DNMT1: variants seen among roughly 807,000 people sequenced by gnomAD.
DNMT1 encodes the protein DNA methyltransferase 1, also known as DNA (cytosine-5)-methyltransferase 1.
Under a neutral mutation model 205.3 loss-of-function variants are expected in DNMT1, and 24 were observed. The ratio of observed to expected loss-of-function variants is 0.12; its 90% CI spans 0.08 to 0.16. The LOEUF (loss-of-function observed/expected upper bound fraction) is 0.16, where lower values mean the gene tolerates loss of function less well. Ranked by LOEUF, DNMT1 falls within the 10% of genes least tolerant of loss-of-function variation. The pLI is 1.00. For missense variants in DNMT1, 1,293 were observed against 2,177.7 expected, an observed-to-expected ratio of 0.59 and a Z score of 8.09; for synonymous variants, 817 against 839.8, an observed-to-expected ratio of 0.97 and a Z score of 0.47.
intron 7 of DNMT1, among the ~76,000 whole-genome samples, chr19:10,174,692 G>A (rs2145363162): frequency 6.6e-6 from 1 of 151,438 alleles, no homozygotes; most frequent in South Asian, 2.1e-4. Flanking sequence ...GAGTGAAAGA[G>A]TGAGACTCCA....
intron 33 of DNMT1, 73 bp downstream of exon 33, chr19:10,139,973 G>A (rs1355134707): frequency 2.3e-5 from 36 of 1,599,980 alleles, no homozygotes; most frequent in East Asian, 2.2e-5. Flanking sequence ...AGTGCAGGGC[G>A]AAAATGACCA....
At chr19:10,193,288 G>C (rs1044212012) in intron 1 of DNMT1, among the ~76,000 whole-genome samples, 4 of 152,144 alleles carry the variant, frequency 2.6e-5, no homozygotes, top group African/African-American at 9.7e-5. Flanking sequence ...AGGAGTTCAA[G>C]GCTACAGTGA....
chr19:10,146,180 T>C lies in DNMT1; in HGVS notation c.2894+171A>G, dbSNP rs2038196116. Among the ~76,000 whole-genome samples, 1 of 152,100 alleles carries C rather than the reference T, an allele frequency of 6.6e-6. No homozygotes were observed. Among genetic ancestry groups the C allele is most frequent in the South Asian group, 2.1e-4 (1 of 4,830 alleles). On this transcript the variant is annotated intron_variant, in intron 28 of 40. Transcript: ENST00000359526. The surrounding 1 kb of genome is among the most constrained non-coding windows in gnomAD (Gnocchi z 4.4). Reference sequence around the variant, plus strand: ...TCAGCTTTGCTCTGCAATAGCATCATGGTCAGTCTACACGATTTATGTTGT... The same window carrying C: ...TCAGCTTTGCTCTGCAATAGCATCACGGTCAGTCTACACGATTTATGTTGT...
chr19:10,167,807 G>A (rs1387959686), intron 10 of DNMT1, among the ~76,000 whole-genome samples: 3 of 152,168 alleles, frequency 2.0e-5, no homozygotes, highest in African/African-American at 7.2e-5. Context: ...ACACAGCTGT[G>A]TGACCAACCC....
rs1442437059 is a variant in DNMT1 at position 10,159,501 on chromosome 19, G to A, written c.1280+157C>T. Reference sequence around the variant, plus strand: ...TAGGATTACAGGCATGAGCCACCGCGCCCAGCCCTCCACGGTGGCTCTTAT... The same window carrying A: ...TAGGATTACAGGCATGAGCCACCGCACCCAGCCCTCCACGGTGGCTCTTAT... On this transcript the variant is annotated intron_variant, in intron 17 of 40. Coordinates refer to ENST00000359526, the MANE Select transcript of DNMT1 (RefSeq NM_001130823.3). The surrounding 1 kb of genome is among the most constrained non-coding windows in gnomAD (Gnocchi z 5.0). 6.6e-6 allele frequency among the ~76,000 whole-genome samples: 1 copy of A among 152,142 alleles called. No individual in the cohort carries two copies. Among genetic ancestry groups the A allele is most frequent in the Non-Finnish European group, 1.5e-5 (1 of 68,016 alleles).
In DNMT1 at chr19:10,140,091, C is replaced by T. The variant is rs780156714; in HGVS notation, c.3761G>A (p.Arg1254His). Reference protein sequence around the residue: ...GFSGMNRFNSRTYSKFKNSLV... With the variant: ...GFSGMNRFNSHTYSKFKNSLV... ...AGAGTTTTTGAACTTGGAGTAGGTG[C>T]GCGAATTGAAGCGGTTCATGCCGCT... The change falls in exon 33 of 41, where the codon CGC becomes CAC. Residue 1254 changes from arginine to histidine, a missense_variant. By Grantham distance (29) the Arg-to-His change is conservative. Transcript: ENST00000359526. The surrounding 1 kb of genome is among the most constrained non-coding windows in gnomAD (Gnocchi z 8.4). 6.2e-7 allele frequency: 1 copy of T among 1,613,414 alleles called. No individual in the cohort carries two copies. Among genetic ancestry groups the T allele is most frequent in the African/African-American group, 1.3e-5 (1 of 74,960 alleles).
intron 9 of DNMT1, among the ~76,000 whole-genome samples, chr19:10,170,879 A>G (rs2038802816): frequency 6.6e-6 from 1 of 152,056 alleles, no homozygotes; most frequent in Non-Finnish European, 1.5e-5. Context: ...CTGTATCCTC[A>G]GCCTCCTGAG....
intron 1 of DNMT1, among the ~76,000 whole-genome samples, chr19:10,183,264 C>T (rs2039116237): frequency 6.6e-6 from 1 of 151,472 alleles, no homozygotes; most frequent in South Asian, 2.1e-4. Flanking sequence ...TACAGGCATG[C>T]ACCACCACAC....
Position 10,147,263 on chromosome 19 carries a change from G to GATAA in DNMT1, c.2721-743_2721-740dup, listed in dbSNP as rs36026709. On this transcript the variant is annotated intron_variant, in intron 27 of 40. Coordinates refer to ENST00000359526, the MANE Select transcript of DNMT1 (RefSeq NM_001130823.3). ...GGTGACAGAGGGAGACCCTGTCTCA[G>GATAA]ATAAATAAATAAATAAATAAATAAA... Among the ~76,000 whole-genome samples the GATAA allele has an allele frequency of 5.7e-3, 842 of 146,682 alleles. 1 individual carries two copies. The highest frequency in any genetic ancestry group is 0.018 in the Middle Eastern group (5 of 284).
Position 10,162,753 on chromosome 19 carries a change from A to G in DNMT1, c.927-5T>C. 1.9e-6 allele frequency: 3 copies of G among 1,613,860 alleles called. No individual in the cohort carries two copies. In the South Asian group the frequency reaches 3.3e-5, roughly 18 times the overall value. On this transcript the variant is annotated splice_polypyrimidine_tract_variant and splice_region_variant and intron_variant, in intron 12 of 40. Transcript: ENST00000359526. ...TCGGGCCTCCGTTTGGCAGCTCTGC[A>G]GGGTGAACAGATACACAGCAAGTAG...
At position 10,140,651 on chromosome 19, in the gene DNMT1, C is replaced by T. The variant is rs772150460; in HGVS notation, c.3523+130G>A. The T allele has an allele frequency of 4.4e-5, 67 of 1,523,108 alleles. No homozygotes were observed. The highest frequency in any genetic ancestry group is 5.5e-5 in the Non-Finnish European group (61 of 1,106,130). The allele number at this position is 1,523,108 out of a possible 1,614,324, so 94.3% of individuals were successfully genotyped here. A position where few individuals can be genotyped will look rare whatever the true frequency, so the allele number is the denominator to read the frequency against. On this transcript the variant is annotated intron_variant, in intron 32 of 40. Coordinates refer to ENST00000359526, the MANE Select transcript of DNMT1 (RefSeq NM_001130823.3). The surrounding 1 kb of genome is among the most constrained non-coding windows in gnomAD (Gnocchi z 8.4). ...CCAAAGTGCTGGGATTACAGGCGTG[C>T]GCCACCGTGCCTGGCCTCGGAAGGA...
chr19:10,168,808 CACA>C (rs2038744407), intron 9 of DNMT1, among the ~76,000 whole-genome samples: 1 of 152,154 alleles, frequency 6.6e-6, no homozygotes, highest in Admixed American at 6.6e-5. Flanking sequence ...CCAACTGAGA[CACA>C]ACAACACATC....
At chr19:10,186,107 G>A (rs200131571) in intron 1 of DNMT1, among the ~76,000 whole-genome samples, 5 of 152,164 alleles carry the variant, frequency 3.3e-5, no homozygotes, top group East Asian at 1.9e-4. Flanking sequence ...CCCTGATCCC[G>A]AGGTTGCCTG....
chr19:10,149,610 G>A lies in DNMT1; in HGVS notation c.2429C>T (p.Ala810Val). Residue 810 changes from alanine (A) to valine (V), a missense_variant, in exon 26 of 41, where the codon GCC (alanine) becomes GTC (valine). This residue lies in a region of DNMT1 where 197 missense variants were observed against 353.6 expected (regional missense o/e 0.56). Transcript: ENST00000359526. ...GTCTGTCCCAGCGCAGAACCAGTGGGCGTGAAACATCTGCCCGTTGCTGCT... is the reference window on the plus strand; with the variant it reads ...GTCTGTCCCAGCGCAGAACCAGTGGACGTGAAACATCTGCCCGTTGCTGCT... The part of the protein sequence containing the change: ...EDSSNGQMFH[A>V]HWFCAGTDTV... The A allele has an allele frequency of 6.2e-7, 1 of 1,614,054 alleles. No individual in the cohort carries two copies. The highest frequency in any genetic ancestry group is 8.5e-7 in the Non-Finnish European group (1 of 1,180,026).
intron 6 of DNMT1, among the ~76,000 whole-genome samples, chr19:10,176,743 A>G (rs1200240683): frequency 6.6e-6 from 1 of 152,086 alleles, no homozygotes; most frequent in East Asian, 1.9e-4. Context: ...CTGTAATCCC[A>G]GATACTCAGG....
At chr19:10,139,601 A>G (rs2089561167) in intron 34 of DNMT1, 75 bp downstream of exon 34, 1 of 1,564,896 alleles carries the variant, frequency 6.4e-7, no homozygotes. Flanking sequence ...CCCTGCCTTC[A>G]GTAAGGGATG....
At chr19:10,160,349 A>G in intron 14 of DNMT1, 35 bp downstream of exon 14, 1 of 1,613,554 alleles carries the variant, frequency 6.2e-7, no homozygotes, top group South Asian at 1.1e-5. Context: ...TAACATTACC[A>G]TCTGCTTTCG....
chr19:10,157,499 T>G (rs1310983671), intron 17 of DNMT1, among the ~76,000 whole-genome samples: 1 of 152,148 alleles, frequency 6.6e-6, no homozygotes, highest in Admixed American at 6.5e-5. Context: ...GAAAAAGACA[T>G]GAACTGGGTG....
At chr19:10,177,431 G>T in intron 5 of DNMT1, 64 bp from the exon 6 acceptor site, 1 of 1,488,278 alleles carries the variant, frequency 6.7e-7, no homozygotes, top group Non-Finnish European at 9.2e-7. Flanking sequence ...AAAGCCCACA[G>T]CAATAATGCA....
Sources: allele counts gnomAD v4.1 joint callset (sites outside exome capture counted in the v4.1 genomes callset), GRCh38; gene constraint gnomAD v4.1.1; regional missense constraint gnomAD v4.1.1; non-coding constraint Gnocchi (gnomAD v3.1); transcripts MANE v1.5; gene names NCBI Gene and HGNC (gene_info 2026-07-23, HGNC 2026-07-21).